The following FBXL6 variants were observed in gnomAD, a reference collection of about 807,000 sequenced individuals.
FBXL6 encodes F-box/LRR-repeat protein 6.
A neutral mutation model predicts 53.3 loss-of-function variants in FBXL6; 50 were observed. The ratio of observed to expected loss-of-function variants is 0.94; its 90% confidence interval spans 0.75 to 1.19. The LOEUF (loss-of-function observed/expected upper bound fraction) is 1.19, where lower values mean the gene tolerates loss of function less well. Among genes scored for constraint, FBXL6 ranks in the 50% most tolerant of loss-of-function variants. The pLI, the probability that FBXL6 is intolerant of heterozygous loss-of-function variation, is 0.00. For synonymous variants in FBXL6, 405 were observed against 322.9 expected, an observed-to-expected ratio of 1.25 and a Z score of -2.73; for missense variants, 815 against 719.0, an observed-to-expected ratio of 1.13 and a Z score of -1.53.
At position 144,357,399 on chromosome 8, in the gene FBXL6, A is replaced by C. The variant is rs781992811; in HGVS notation, c.639+40T>G. 5.7e-6 allele frequency: 9 copies of C among 1,589,096 alleles called. 1 individual carries two copies. In the Admixed American group the frequency reaches 1.6e-4, roughly 28 times the overall value. ...TTCCTAGAGTACTGAACAGTCCCAG[A>C]GTGTCACAGCTGATGTGCAGGACAG... On this transcript the variant is annotated intron_variant, in intron 3 of 8. Transcript: ENST00000331890.
Position 144,357,513 on chromosome 8 carries a change from A to G in FBXL6, c.576-11T>C. On this transcript the variant is annotated splice_polypyrimidine_tract_variant and intron_variant, in intron 2 of 8. Transcript: ENST00000331890. ...TGGAGCTGTGAAAACCTGGGCCGAC[A>G]GCGGAGGCAGAGCTGCACTAATGTT... 1 of 1,613,406 alleles carries G rather than the reference A, an allele frequency of 6.2e-7. No individual in the cohort carries two copies. Among genetic ancestry groups the G allele is most frequent in the Non-Finnish European group, 8.5e-7 (1 of 1,179,948 alleles).
At position 144,355,570 on chromosome 8, in the gene FBXL6, C is replaced by A; in HGVS notation, c.1581G>T (p.Trp527Cys). 2 of 1,611,278 alleles carry A rather than the reference C, an allele frequency of 1.2e-6. No individual in the cohort carries two copies. Among genetic ancestry groups the A allele is most frequent in the African/African-American group, 1.3e-5 (1 of 75,014 alleles). Residue 527 changes from tryptophan to cysteine, a missense_variant, in exon 9 of 9, where the codon TGG (tryptophan) becomes TGT (cysteine). Coordinates refer to ENST00000331890, the MANE Select transcript of FBXL6 (RefSeq NM_012162.4). ...RAYRGLEEVQ[W>C]CLEQLLTSPS... ...GGCTGGTGAGCAGCTGCTCCAGACA[C>A]CACTGGACTTCCTCCAGGCCCCGGT...
rs782182756 is a variant in FBXL6 at position 144,357,619 on chromosome 8, A to G, written c.575+9T>C. 2.5e-6 allele frequency: 4 copies of G among 1,598,604 alleles called. No individual in the cohort carries two copies. In the Admixed American group the frequency reaches 6.8e-5, roughly 27 times the overall value. On this transcript the variant is annotated intron_variant, in intron 2 of 8. Coordinates refer to ENST00000331890, the MANE Select transcript of FBXL6 (RefSeq NM_012162.4). ...GAGCCAGGGGTAAGGAAGAGAGGGAACCCCTCACCGATTGGGCATAAGCCA... is the reference window on the plus strand; with the variant it reads ...GAGCCAGGGGTAAGGAAGAGAGGGAGCCCCTCACCGATTGGGCATAAGCCA...
rs782808542 is a variant in FBXL6 at position 144,356,717 on chromosome 8, C to A, written c.880-4G>T. 5 of 1,611,678 alleles carry A rather than the reference C, an allele frequency of 3.1e-6. No individual in the cohort carries two copies. The South Asian group carries it at 3.3e-5, about 11-fold the overall frequency. ...GGAGCTGGGGGCAGCAGCTGCCCTGCAGAGATGGGGGGAGGGGGTAGGTCA... is the reference window on the plus strand; with the variant it reads ...GGAGCTGGGGGCAGCAGCTGCCCTGAAGAGATGGGGGGAGGGGGTAGGTCA... On this transcript the variant is annotated splice_polypyrimidine_tract_variant and splice_region_variant and intron_variant, in intron 5 of 8. Transcript: ENST00000331890.
In FBXL6 at chr8:144,358,126, C is replaced by G; in HGVS notation, c.322G>C (p.Asp108His). The change falls in exon 1 of 9, where the codon GAC (aspartate) becomes CAC (histidine). Residue 108 changes from aspartate to histidine, a missense_variant. Asp to His is a moderately conservative substitution (Grantham distance 81). Transcript: ENST00000331890. ...APTPTPEEGPDAGWGDRIPLE... is the reference protein window; with the variant it reads ...APTPTPEEGPHAGWGDRIPLE... ...GGAATGCGGTCTCCCCAGCCCGCGT[C>G]GGGCCCTTCCTCGGGCGTGGGCGTG... The G allele has an allele frequency of 6.4e-7, 1 of 1,574,318 alleles. No individual in the cohort carries two copies. The highest frequency in any genetic ancestry group is 1.8e-5 in the Admixed American group (1 of 56,754).
intron 1 of FBXL6, 76 bp downstream of exon 1, chr8:144,357,956 C>T: frequency 6.8e-7 from 1 of 1,481,328 alleles, no homozygotes; most frequent in Non-Finnish European, 8.9e-7. Flanking sequence ...CGCCCTCCGC[C>T]CCCGCCCGGG....
In FBXL6 at chr8:144,357,777, G is replaced by A. The variant is rs782455397; in HGVS notation, c.426C>T (p.Arg142=). The change falls in exon 2 of 9, where the codon CGC becomes CGT. Residue 142 remains arginine, a synonymous_variant. Coordinates refer to ENST00000331890, the MANE Select transcript of FBXL6 (RefSeq NM_012162.4). ...GPMPFLGRAA[R]VCRRWQEAAS... ...CGGCCTCCTGCCAGCGGCGGCACAC[G>A]CGCGCAGCCCTGGGAGGACAGCGTG... 4 of 1,575,534 alleles carry A rather than the reference G, an allele frequency of 2.5e-6. No individual in the cohort carries two copies. Among genetic ancestry groups the A allele is most frequent in the Non-Finnish European group, 2.6e-6 (3 of 1,164,688 alleles).
chr8:144,358,423 C>T lies in FBXL6; in HGVS notation c.25G>A (p.Val9Ile), dbSNP rs903493584. The change falls in exon 1 of 9, where the codon GTC becomes ATC. Residue 9 changes from valine (V) to isoleucine (I), a missense_variant. By Grantham distance (29) the Val-to-Ile change is conservative. Transcript: ENST00000331890. MAAPASRQ[V>I]RRRARAAPRP... is the part of the protein sequence containing the mutation. ...GGCGCTGCCCGGGCTCTGCGTCGGACCTGCCGGGAGGCTGGGGCAGCCATG... is the reference window on the plus strand; with the variant it reads ...GGCGCTGCCCGGGCTCTGCGTCGGATCTGCCGGGAGGCTGGGGCAGCCATG... 4.1e-5 allele frequency: 51 copies of T among 1,246,118 alleles called. No homozygotes were observed. The highest frequency in any genetic ancestry group is 5.0e-5 in the Non-Finnish European group (50 of 995,782). The allele number at this position is 1,246,118 out of a possible 1,614,324, so 77.2% of individuals were successfully genotyped here. A position where few individuals can be genotyped will look rare whatever the true frequency, so the allele number is the denominator to read the frequency against.
At position 144,357,663 on chromosome 8, in the gene FBXL6, C is replaced by A; in HGVS notation, c.540G>T (p.Lys180Asn). ...PAKGGVKAEK[K>N]LLASLEWLMP... ...TAAGCCACTCCAGGGAAGCAAGGAGCTTCTTCTCCGCCTTGACCCCGCCCT... is the reference window on the plus strand; with the variant it reads ...TAAGCCACTCCAGGGAAGCAAGGAGATTCTTCTCCGCCTTGACCCCGCCCT... The change falls in exon 2 of 9, where the codon AAG (lysine) becomes AAT (asparagine). Residue 180 changes from lysine to asparagine, a missense_variant. By Grantham distance (94) the Lys-to-Asn change is moderately conservative. Coordinates refer to ENST00000331890, the MANE Select transcript of FBXL6 (RefSeq NM_012162.4). 6.2e-7 allele frequency: 1 copy of A among 1,610,814 alleles called. No individual in the cohort carries two copies. The highest frequency in any genetic ancestry group is 8.5e-7 in the Non-Finnish European group (1 of 1,178,634).
Position 144,357,423 on chromosome 8 carries a change from A to G in FBXL6, c.639+16T>C. 3 of 1,609,244 alleles carry G rather than the reference A, an allele frequency of 1.9e-6. No individual in the cohort carries two copies. Among genetic ancestry groups the G allele is most frequent in the Non-Finnish European group, 2.5e-6 (3 of 1,177,924 alleles). On this transcript the variant is annotated intron_variant, in intron 3 of 8. Coordinates refer to ENST00000331890, the MANE Select transcript of FBXL6 (RefSeq NM_012162.4). Reference sequence around the variant, plus strand: ...GAGTGTCACAGCTGATGTGCAGGACAGCCTGGAGCTCTCACCTTCAACACG... The same window carrying G: ...GAGTGTCACAGCTGATGTGCAGGACGGCCTGGAGCTCTCACCTTCAACACG...
At chr8:144,357,913 T>C in intron 1 of FBXL6, 119 bp downstream of exon 1, 2 of 1,446,128 alleles carry the variant, frequency 1.4e-6, no homozygotes, top group South Asian at 1.4e-5. Context: ...GGGGCTGCGC[T>C]CTCGGACTGA....
At chr8:144,357,379 A>G (rs1300688981) in intron 3 of FBXL6, 60 bp downstream of exon 3, 22 of 1,536,488 alleles carry the variant, frequency 1.4e-5, no homozygotes, top group Admixed American at 1.9e-5. Flanking sequence ...CCCACTTCCT[A>G]GAGTACTGAA....
Position 144,356,113 on chromosome 8 carries a change from G to C in FBXL6, c.1327C>G (p.Arg443Gly), listed in dbSNP as rs782205578. 9 of 1,612,860 alleles carry C rather than the reference G, an allele frequency of 5.6e-6. No individual in the cohort carries two copies. The highest frequency in any genetic ancestry group is 7.6e-6 in the Non-Finnish European group (9 of 1,180,036). Reference sequence around the variant, plus strand: ...CCCTGGCCACTCAAGTCCAGTTCTCGCAGTGTATGGCACCACTTCTGGGTC... The same window carrying C: ...CCCTGGCCACTCAAGTCCAGTTCTCCCAGTGTATGGCACCACTTCTGGGTC... ...FLTQKWCHTL[R>G]ELDLSGQGFS... Residue 443 changes from arginine to glycine, a missense_variant, in exon 8 of 9, where the codon CGA (arginine) becomes GGA (glycine). Physicochemically the swap from Arg to Gly is moderately radical, Grantham distance 125. Transcript: ENST00000331890.
chr8:144,357,122 C>T lies in FBXL6; in HGVS notation c.640-1G>A. ...GCCGAGGACAGCACTCACCTACCAG[C>T]TGCGGGGAGACAGAGGGGCAGCTGG... On this transcript the variant is annotated splice_acceptor_variant, in intron 3 of 8. Coordinates refer to ENST00000331890, the MANE Select transcript of FBXL6 (RefSeq NM_012162.4). LOFTEE classifies it high-confidence loss of function. The T allele has an allele frequency of 6.2e-7, 1 of 1,612,876 alleles. No homozygotes were observed.
Position 144,357,623 on chromosome 8 carries a change from C to G in FBXL6, c.575+5G>C. 1 of 1,604,898 alleles carries G rather than the reference C, an allele frequency of 6.2e-7. No individual in the cohort carries two copies. Among genetic ancestry groups the G allele is most frequent in the South Asian group, 1.1e-5 (1 of 90,696 alleles). On this transcript the variant is annotated splice_donor_5th_base_variant and intron_variant, in intron 2 of 8. Transcript: ENST00000331890. ...CAGGGGTAAGGAAGAGAGGGAACCCCTCACCGATTGGGCATAAGCCACTCC... is the reference window on the plus strand; with the variant it reads ...CAGGGGTAAGGAAGAGAGGGAACCCGTCACCGATTGGGCATAAGCCACTCC...
chr8:144,355,730 G>T lies in FBXL6; in HGVS notation c.1473-52C>A. On this transcript the variant is annotated intron_variant, in intron 8 of 8. Transcript: ENST00000331890. ...TTGAGCTGTTGCCTCAGAAGGGCTG[G>T]GCCAGGCTAGGGAGCTGTGCCTGCT... The T allele has an allele frequency of 1.9e-6, 3 of 1,597,064 alleles. No individual in the cohort carries two copies. The South Asian group carries it at 3.3e-5, about 18-fold the overall frequency.
At position 144,356,195 on chromosome 8, in the gene FBXL6, C is replaced by T; in HGVS notation, c.1245G>A (p.Leu415=). ...GCCGGTCTGACGTGCCATACAGGCC[C>T]AGATGAAGCTGCTCCAGCTCTGCAG... ...LPCRELEQLH[L]GLYGTSDRLT... Residue 415 remains leucine (L), a synonymous_variant, in exon 8 of 9, where the codon CTG becomes CTA. Coordinates refer to ENST00000331890, the MANE Select transcript of FBXL6 (RefSeq NM_012162.4). 7.0e-7 allele frequency: 1 copy of T among 1,422,984 alleles called. No homozygotes were observed. Among genetic ancestry groups the T allele is most frequent in the Non-Finnish European group, 9.3e-7 (1 of 1,080,842 alleles). The allele number at this position is 1,422,984 out of a possible 1,614,324, so 88.1% of individuals were successfully genotyped here.
intron 3 of FBXL6, 156 bp downstream of exon 3, chr8:144,357,283 C>T (rs1293222765): frequency 1.6e-6 from 2 of 1,260,492 alleles, no homozygotes; most frequent in African/African-American, 3.0e-5. Context: ...CTGATACCTC[C>T]CTGCTGGAGG....
intron 3 of FBXL6, 79 bp downstream of exon 3, chr8:144,357,360 G>A (rs1818503396): frequency 6.9e-7 from 1 of 1,454,594 alleles, no homozygotes; most frequent in Non-Finnish European, 9.4e-7. Context: ...GGGCCCCCAA[G>A]GTGCCTGACC....
Sources: allele counts gnomAD v4.1 joint callset, GRCh38; gene constraint gnomAD v4.1.1; transcripts MANE v1.5; gene names NCBI Gene and HGNC (gene_info 2026-07-23, HGNC 2026-07-21).